TAC1: variants seen among roughly 807,000 people sequenced by gnomAD.
TAC1 encodes protachykinin-1.
Under a neutral mutation model 21.7 loss-of-function variants are expected in TAC1, and 12 were observed. The ratio of observed to expected loss-of-function variants is 0.55; its 90% CI spans 0.35 to 0.89. The LOEUF is 0.89. Ranked by LOEUF, TAC1 falls within the 40% of genes least tolerant of loss-of-function variation. The probability of loss-of-function intolerance (pLI) is 0.01; values close to 1 mark genes in which losing one functional copy is unlikely to be tolerated. For missense variants in TAC1, 128 were observed against 151.4 expected, an observed-to-expected ratio of 0.85 and a Z score of 0.81; for synonymous variants, 52 against 52.0, an observed-to-expected ratio of 1.00 and a Z score of 0.00.
At chr7:97,735,354 C>T (rs752299886) in intron 5 of TAC1, among the ~76,000 whole-genome samples, 5 of 152,052 alleles carry the variant, frequency 3.3e-5, no homozygotes, top group East Asian at 1.9e-4. Context: ...AAAATGAAGA[C>T]GGTAGAGATG....
chr7:97,737,284 T>G (rs75945389), intron 6 of TAC1, among the ~76,000 whole-genome samples: 28,213 of 151,858 alleles, frequency 0.19, 2,734 homozygotes, highest in East Asian at 0.27. Context: ...TTATTAATTA[T>G]AAAGTAATCA....
intron 5 of TAC1, 76 bp from the exon 6 acceptor site, chr7:97,736,223 T>G: frequency 1.6e-6 from 2 of 1,235,346 alleles, no homozygotes; most frequent in Non-Finnish European, 2.3e-6. Context: ...ATTCAGAAGC[T>G]TGCTTTGTTC....
At chr7:97,738,167 G>T (rs1789618448) in intron 6 of TAC1, among the ~76,000 whole-genome samples, 1 of 151,908 alleles carries the variant, frequency 6.6e-6, no homozygotes, top group African/African-American at 2.4e-5. Context: ...AGTCAATCAG[G>T]GATCTTTTTA....
intron 6 of TAC1, among the ~76,000 whole-genome samples, chr7:97,736,624 A>G (rs1789579715): frequency 6.6e-6 from 1 of 152,040 alleles, no homozygotes; most frequent in South Asian, 2.1e-4. Flanking sequence ...GGTTAGTGCT[A>G]TATTCTTTCC....
At chr7:97,733,873 C>T (rs1789498506) in intron 3 of TAC1, 54 bp downstream of exon 3, 3 of 1,544,664 alleles carry the variant, frequency 1.9e-6, no homozygotes, top group Non-Finnish European at 2.7e-6. Context: ...TGTCTGCTCA[C>T]TCCTTCCTGG....
At chr7:97,733,134 C>T in intron 2 of TAC1, 1 of 187,754 alleles carries the variant, frequency 5.3e-6, no homozygotes, top group Non-Finnish European at 1.1e-5. Context: ...CAGCAGCGGG[C>T]ACACGCGCGA....
chr7:97,739,567 G>T (rs1789654845), intron 6 of TAC1, among the ~76,000 whole-genome samples: 2 of 151,966 alleles, frequency 1.3e-5, no homozygotes, highest in Non-Finnish European at 2.9e-5. Context: ...TTCACTATGG[G>T]TATCTGCCAC....
At chr7:97,738,015 TTAAAA>T (rs1789614944) in intron 6 of TAC1, among the ~76,000 whole-genome samples, 1 of 152,068 alleles carries the variant, frequency 6.6e-6, no homozygotes, top group South Asian at 2.1e-4. Context: ...TTAAATGTAC[TTAAAA>T]TAATAACATA....
intron 4 of TAC1, 94 bp downstream of exon 4, chr7:97,734,386 G>T: frequency 9.1e-7 from 1 of 1,100,834 alleles, no homozygotes; most frequent in South Asian, 1.4e-5. Context: ...CAAGATCTGG[G>T]TCATGCCTGT....
chr7:97,738,832 A>G (rs1026940885), intron 6 of TAC1, among the ~76,000 whole-genome samples: 1 of 151,916 alleles, frequency 6.6e-6, no homozygotes, highest in Admixed American at 6.6e-5. Context: ...TCAGTATTTT[A>G]TACAGGCCAT....
intron 4 of TAC1, 135 bp from the exon 5 acceptor site, chr7:97,734,691 C>A: frequency 2.9e-6 from 2 of 679,982 alleles, no homozygotes; most frequent in South Asian, 2.1e-5. Flanking sequence ...ATTTATGGTT[C>A]TGCTTTATTC....
chr7:97,739,802 C>T lies in TAC1; in HGVS notation c.344-72C>T, dbSNP rs532183331. 297 of 1,066,312 alleles carry T rather than the reference C, an allele frequency of 2.8e-4. 2 individuals are homozygous for T. Among genetic ancestry groups the T allele is most frequent in the Non-Finnish European group, 4.0e-4 (284 of 718,224 alleles). The allele number at this position is 1,066,312 out of a possible 1,614,324, so 66.1% of individuals were successfully genotyped here. A position where few individuals can be genotyped will look rare whatever the true frequency, so the allele number is the denominator to read the frequency against. On this transcript the variant is annotated intron_variant, in intron 6 of 6. Coordinates refer to ENST00000319273, the MANE Select transcript of TAC1 (RefSeq NM_003182.3). ...TGAGTTTAAAATAAATTACTATATG[C>T]CCTGAACTTTAGTTGTGTAACTCCC...
chr7:97,733,889 C>T (rs1327829394), intron 3 of TAC1, 70 bp downstream of exon 3: 6 of 1,406,128 alleles, frequency 4.3e-6, no homozygotes, highest in Non-Finnish European at 6.0e-6. Context: ...CCTGGAGTAC[C>T]CCAGGGTCTC....
At position 97,732,560 on chromosome 7, in the gene TAC1, C is replaced by A; in HGVS notation, c.-9-44C>A. 9 of 1,609,808 alleles carry A rather than the reference C, an allele frequency of 5.6e-6. No individual in the cohort carries two copies. The highest frequency in any genetic ancestry group is 6.8e-6 in the Non-Finnish European group (8 of 1,177,674). ...CTTGGATAACCACCCCTAATAGATACATTATTTCTCTCTTTGGTGTCTTCT... is the reference window on the plus strand; with the variant it reads ...CTTGGATAACCACCCCTAATAGATAAATTATTTCTCTCTTTGGTGTCTTCT... On this transcript the variant is annotated intron_variant, in intron 1 of 6. Transcript: ENST00000319273. The surrounding 1 kb of genome is among the most constrained non-coding windows in gnomAD (Gnocchi z 6.2).
Position 97,740,077 on chromosome 7 carries a change from T to C in TAC1, c.*157T>C. 1.9e-6 allele frequency: 1 copy of C among 516,206 alleles called. No homozygotes were observed. The allele number at this position is 516,206 out of a possible 1,614,324, so 32.0% of individuals were successfully genotyped here. A position where few individuals can be genotyped will look rare whatever the true frequency, so the allele number is the denominator to read the frequency against. ...TTATTTTTCATATTGTGCCAATATG[T>C]ATTGTAAACATGTGTTTTAATTCCA... On this transcript the variant is annotated 3_prime_UTR_variant, in exon 7 of 7. Transcript: ENST00000319273.
At position 97,733,728 on chromosome 7, in the gene TAC1, A is replaced by C. The variant is rs370538589; in HGVS notation, c.129A>C (p.Glu43Asp). Residue 43 changes from glutamate to aspartate, a missense_variant, in exon 3 of 7, where the codon GAA becomes GAC. Transcript: ENST00000319273. ...DWYDSDQIKE[E>D]LPEPFEHLLQ... ...TCCGTGCTTTTGTCTCCCAGGAGGA[A>C]CTGCCGGAGCCCTTTGAGCATCTTC... 1.9e-6 allele frequency: 3 copies of C among 1,613,598 alleles called. No homozygotes were observed. Among genetic ancestry groups the C allele is most frequent in the Non-Finnish European group, 2.5e-6 (3 of 1,179,866 alleles).
rs764175011 is a variant in TAC1, at chr7:97,732,687, T to A, written c.75T>A (p.Asn25Lys). The A allele has an allele frequency of 6.2e-7, 1 of 1,613,936 alleles. No homozygotes were observed. Among genetic ancestry groups the A allele is most frequent in the Non-Finnish European group, 8.5e-7 (1 of 1,180,020 alleles). ...TGTTTGCAGAAGAAATAGGAGCCAA[T>A]GATGATCTGAATTACTGGTCCGACT... is the stretch of plus-strand genomic sequence containing the variant. ...TQLFAEEIGA[N>K]DDLNYWSDWY... The change falls in exon 2 of 7, where the codon AAT becomes AAA. Residue 25 changes from asparagine (N) to lysine (K), a missense_variant. Coordinates refer to ENST00000319273, the MANE Select transcript of TAC1 (RefSeq NM_003182.3). This position sits in a 1 kb window ranked among gnomAD's most constrained non-coding sequence, Gnocchi z 6.2.
In TAC1 at chr7:97,732,589, C is replaced by G; in HGVS notation, c.-9-15C>G. On this transcript the variant is annotated splice_polypyrimidine_tract_variant and intron_variant, in intron 1 of 6. Coordinates refer to ENST00000319273, the MANE Select transcript of TAC1 (RefSeq NM_003182.3). This position sits in a 1 kb window ranked among gnomAD's most constrained non-coding sequence, Gnocchi z 6.2. The stretch of plus-strand genomic sequence containing the variant: ...ATTTCTCTCTTTGGTGTCTTCTCCT[C>G]CTACCCCTTCCCAGAAATCCAACAT... 1 of 1,614,054 alleles carries G rather than the reference C, an allele frequency of 6.2e-7. No homozygotes were observed. The highest frequency in any genetic ancestry group is 8.5e-7 in the Non-Finnish European group (1 of 1,179,984).
intron 5 of TAC1, 82 bp downstream of exon 5, chr7:97,734,931 T>C: frequency 8.7e-7 from 1 of 1,154,380 alleles, no homozygotes. Flanking sequence ...TTACCTTATT[T>C]TCTGTCATGA....
Sources: gnomAD v4.1 joint callset for allele counts (sites outside exome capture counted in the v4.1 genomes callset) on GRCh38, gnomAD v4.1.1 for gene constraint, Gnocchi (gnomAD v3.1) non-coding constraint, MANE v1.5 for transcripts, NCBI Gene and HGNC (gene_info 2026-07-23, HGNC 2026-07-21) for gene names.